Variants in OR52E5 observed in about 807,000 individuals in gnomAD.
OR52E5 encodes olfactory receptor family 52 subfamily E member 5.
chr11:5,898,749 T>C (rs984623129), intron 2 of OR52E5, among the ~76,000 whole-genome samples: 2 of 152,176 alleles, frequency 1.3e-5, no homozygotes, highest in East Asian at 1.9e-4. Flanking sequence ...CAGTTCGTTG[T>C]AGGTGTGTGG....
chr11:5,902,594 A>T lies in OR52E5; in HGVS notation c.*834A>T, dbSNP rs1334294301. On this transcript the variant is annotated 3_prime_UTR_variant, in exon 3 of 3. Transcript: ENST00000610445. ...GTCTTGGGCTTAAGGACTCAGGGAA[A>T]TCCCATCCTCCACAGTCTTTGCTAG... is the stretch of plus-strand genomic sequence containing the variant. The T allele has an allele frequency of 1.3e-5, 2 of 152,202 alleles. No individual in the cohort carries two copies. The highest frequency in any genetic ancestry group is 2.9e-5 in the Non-Finnish European group (2 of 68,038). 9.4% of individuals were successfully genotyped at this position (152,202 alleles called of 1,614,324 possible). A position where few individuals can be genotyped will look rare whatever the true frequency, so the allele number is the denominator to read the frequency against.
intron 2 of OR52E5, 107 bp from the exon 3 acceptor site, chr11:5,900,525 C>T (rs1246426927): frequency 2.1e-5 from 7 of 330,162 alleles, no homozygotes; most frequent in Middle Eastern, 7.8e-4. Context: ...ATGGGAAGTG[C>T]AGGATTGCTA....
In OR52E5 at chr11:5,901,621, T is replaced by C. The variant is rs1343510822; in HGVS notation, c.845T>C (p.Phe282Ser). Residue 282 changes from phenylalanine (F) to serine (S), a missense_variant, in exon 3 of 3, where the codon TTT (phenylalanine) becomes TCT (serine). Coordinates refer to ENST00000610445, the MANE Select transcript of OR52E5 (RefSeq NM_001005166.5). ...CTTCTGGCCAATCTGTATGTGGTTT[T>C]TCCCCCTGCTCTTAACTCTGTTATC... ...HILLANLYVV[F>S]PPALNSVIYG... The C allele has an allele frequency of 1.2e-5, 5 of 401,404 alleles. No homozygotes were observed. The highest frequency in any genetic ancestry group is 7.1e-5 in the East Asian group (2 of 28,092). The allele number at this position is 401,404 out of a possible 1,614,324, so 24.9% of individuals were successfully genotyped here. A position where few individuals can be genotyped will look rare whatever the true frequency, so the allele number is the denominator to read the frequency against.
chr11:5,898,030 T>C (rs1158146224), intron 2 of OR52E5, among the ~76,000 whole-genome samples: 2 of 142,964 alleles, frequency 1.4e-5, no homozygotes, highest in Admixed American at 1.4e-4. Flanking sequence ...ACCAAGCTAA[T>C]TTTTTTTTTT....
intron 1 of OR52E5, among the ~76,000 whole-genome samples, chr11:5,894,973 C>T (rs1847153843): frequency 1.3e-5 from 2 of 152,008 alleles, no homozygotes; most frequent in African/African-American, 4.8e-5. Flanking sequence ...TTTGTGTTCT[C>T]AGAAAATACT....
rs73398292 is a variant in OR52E5 at position 5,901,918 on chromosome 11, T to A, written c.*158T>A. The A allele has an allele frequency of 2.5e-6, 1 of 396,680 alleles. No homozygotes were observed. The highest frequency in any genetic ancestry group is 3.6e-5 in the East Asian group (1 of 27,920). The allele number at this position is 396,680 out of a possible 1,614,324, so 24.6% of individuals were successfully genotyped here. A position where few individuals can be genotyped will look rare whatever the true frequency, so the allele number is the denominator to read the frequency against. On this transcript the variant is annotated 3_prime_UTR_variant, in exon 3 of 3. Transcript: ENST00000610445. ...AAGATTCCAAAACAATCTCTCTGTT[T>A]CACCCATTAAAAGTGCAAAAAGTAC...
At chr11:5,894,783 G>A (rs1030879700) in intron 1 of OR52E5, among the ~76,000 whole-genome samples, 1 of 152,136 alleles carries the variant, frequency 6.6e-6, no homozygotes, top group Non-Finnish European at 1.5e-5. Flanking sequence ...TATAAAGAGA[G>A]AGAGAGTTAA....
At chr11:5,898,287 G>C (rs1171401212) in intron 2 of OR52E5, among the ~76,000 whole-genome samples, 1 of 152,012 alleles carries the variant, frequency 6.6e-6, no homozygotes, top group Non-Finnish European at 1.5e-5. Context: ...TTTTAATTGG[G>C]TTTTGTCTTT....
At chr11:5,896,587 G>A (rs1276238272) in intron 2 of OR52E5, among the ~76,000 whole-genome samples, 1 of 152,254 alleles carries the variant, frequency 6.6e-6, no homozygotes. Context: ...AATAAAAAGA[G>A]AGGGTCTGGA....
intron 1 of OR52E5, among the ~76,000 whole-genome samples, chr11:5,894,876 T>C (rs11039490): frequency 0.36 from 55,460 of 151,992 alleles, 10,774 homozygotes; most frequent in Non-Finnish European, 0.44. Context: ...CCACAGACAA[T>C]ACATAAATGA....
At chr11:5,897,731 C>T (rs11039500) in intron 2 of OR52E5, among the ~76,000 whole-genome samples, 57,773 of 152,068 alleles carry the variant, frequency 0.38, 12,246 homozygotes, top group Non-Finnish European at 0.48. Context: ...GCTAATAAAT[C>T]CCTAATACTG....
chr11:5,897,967 ATCT>A (rs973512797), intron 2 of OR52E5, among the ~76,000 whole-genome samples: 25 of 151,702 alleles, frequency 1.6e-4, no homozygotes, highest in Admixed American at 7.9e-4. Context: ...GGTTCCAGTG[ATCT>A]TCTCACCTCA....
chr11:5,895,995 G>C (rs1486419074), intron 2 of OR52E5, among the ~76,000 whole-genome samples: 1 of 152,000 alleles, frequency 6.6e-6, no homozygotes, highest in African/African-American at 2.4e-5. Flanking sequence ...GTTGCAGTGA[G>C]CTGAGATTGT....
chr11:5,900,592 G>A, intron 2 of OR52E5, 40 bp from the exon 3 acceptor site: 1 of 389,594 alleles, frequency 2.6e-6, no homozygotes, highest in East Asian at 3.6e-5. Flanking sequence ...ATTTAAAAGT[G>A]AGAGTGTCTT....
At position 5,901,138 on chromosome 11, in the gene OR52E5, G is replaced by A. The variant is rs1590405564; in HGVS notation, c.362G>A (p.Gly121Asp). Residue 121 changes from glycine (G) to aspartate (D), a missense_variant, in exon 3 of 3, where the codon GGC (glycine) becomes GAC (aspartate). Physicochemically the swap from Gly to Asp is moderately conservative, Grantham distance 94 (BLOSUM62 -1). Transcript: ENST00000610445. Reference protein sequence around the residue: ...GLESVVLTVTGIDRYIAICNP... With the variant: ...GLESVVLTVTDIDRYIAICNP... ...GAGTCTGTGGTACTGACAGTCACGG[G>A]CATAGATCGCTATATTGCCATCTGC... 8 of 401,290 alleles carry A rather than the reference G, an allele frequency of 2.0e-5. No homozygotes were observed. In the South Asian group the frequency reaches 1.0e-3, roughly 50 times the overall value. 24.9% of individuals were successfully genotyped at this position (401,290 alleles called of 1,614,324 possible).
Position 5,900,715 on chromosome 11 carries a change from G to T in OR52E5, c.-62G>T, listed in dbSNP as rs1847237765. ...ACACCATGCTGTGAAAGAAGTTATG[G>T]TTTCTCACTGGAAGCAAGAAAACTC... On this transcript the variant is annotated 5_prime_UTR_variant, in exon 3 of 3. Coordinates refer to ENST00000610445, the MANE Select transcript of OR52E5 (RefSeq NM_001005166.5). 2.5e-6 allele frequency: 1 copy of T among 398,536 alleles called. No homozygotes were observed. Among genetic ancestry groups the T allele is most frequent in the African/African-American group, 2.1e-5 (1 of 48,614 alleles). The allele number at this position is 398,536 out of a possible 1,614,324, so 24.7% of individuals were successfully genotyped here. A position where few individuals can be genotyped will look rare whatever the true frequency, so the allele number is the denominator to read the frequency against.
At chr11:5,893,515 G>A (rs1278638418) in intron 1 of OR52E5, among the ~76,000 whole-genome samples, 4 of 152,026 alleles carry the variant, frequency 2.6e-5, no homozygotes, top group Middle Eastern at 3.4e-3. Context: ...ACTTCAAAGA[G>A]CATTCTGAGA....
chr11:5,897,339 T>G (rs1253795289), intron 2 of OR52E5, among the ~76,000 whole-genome samples: 1 of 152,222 alleles, frequency 6.6e-6, no homozygotes, highest in Non-Finnish European at 1.5e-5. Context: ...TTTATGTCCA[T>G]GTGTACCCAT....
chr11:5,895,432 T>C (rs1220106957), intron 1 of OR52E5, among the ~76,000 whole-genome samples, 200 bp from the exon 2 acceptor site: 1 of 152,244 alleles, frequency 6.6e-6, no homozygotes, highest in Non-Finnish European at 1.5e-5. Flanking sequence ...CAAATTTAGG[T>C]ATTCTTTATT....
Sources: gnomAD v4.1 joint callset for allele counts (sites outside exome capture counted in the v4.1 genomes callset) on GRCh38, gnomAD v4.1.1 for gene constraint, MANE v1.5 for transcripts, NCBI Gene and HGNC (gene_info 2026-07-23, HGNC 2026-07-21) for gene names.